Variants in NELL1 observed in about 807,000 individuals in gnomAD.
NELL1 encodes protein kinase C-binding protein NELL1.
Under a neutral mutation model 107.4 loss-of-function variants are expected in NELL1, and 76 were observed. That is an observed-to-expected ratio of 0.71 (90% CI 0.59 to 0.86). The LOEUF (loss-of-function observed/expected upper bound fraction) is 0.86. Among genes scored for constraint, NELL1 ranks in the 40% least tolerant of loss-of-function variants. The pLI, the probability that NELL1 is intolerant of heterozygous loss-of-function variation, is 0.00. For synonymous variants in NELL1, 353 were observed against 341.2 expected (o/e 1.03, Z -0.38); for missense variants, 1,024 against 1,005.5 (o/e 1.02, Z -0.25).
intron 4 of NELL1, among the ~76,000 whole-genome samples, chr11:20,854,742 T>C (rs1289813112): frequency 1.3e-5 from 2 of 152,124 alleles, no homozygotes; most frequent in Non-Finnish European, 2.9e-5. Context: ...TTTCTGGCCA[T>C]GGAGGCCTTG....
chr11:20,751,908 T>C (rs965185208), intron 2 of NELL1, among the ~76,000 whole-genome samples: 2 of 152,224 alleles, frequency 1.3e-5, no homozygotes, highest in African/African-American at 4.8e-5. Context: ...CTTTTATATA[T>C]TGGCCATTCA....
At chr11:21,193,582 GA>G (rs935353480) in intron 13 of NELL1, among the ~76,000 whole-genome samples, 4 of 151,902 alleles carry the variant, frequency 2.6e-5, no homozygotes, top group Admixed American at 6.5e-5. Flanking sequence ...ATTTATAGAG[GA>G]AAAAAATAAT....
At chr11:20,960,853 C>G (rs898666956) in intron 12 of NELL1, among the ~76,000 whole-genome samples, 1 of 152,182 alleles carries the variant, frequency 6.6e-6, no homozygotes, top group African/African-American at 2.4e-5. Flanking sequence ...ACTAGATCAA[C>G]CATAGACACA....
chr11:21,267,207 A>T (rs1210757864), intron 14 of NELL1, among the ~76,000 whole-genome samples: 1 of 152,128 alleles, frequency 6.6e-6, no homozygotes, highest in Non-Finnish European at 1.5e-5. Context: ...TCTCCAAATC[A>T]AAGACAAAGT....
intron 13 of NELL1, among the ~76,000 whole-genome samples, chr11:21,207,323 A>G (rs1055917888): frequency 6.6e-5 from 10 of 152,214 alleles, no homozygotes; most frequent in African/African-American, 1.9e-4. Flanking sequence ...GACATCAAGT[A>G]TGCTTTCTAA....
At chr11:21,081,241 C>T (rs1385425757) in intron 12 of NELL1, among the ~76,000 whole-genome samples, 1 of 152,126 alleles carries the variant, frequency 6.6e-6, no homozygotes, top group African/African-American at 2.4e-5. Flanking sequence ...GAGACACTTT[C>T]TTCTCTTTTC....
chr11:20,978,834 A>C (rs1377692458), intron 12 of NELL1, among the ~76,000 whole-genome samples: 5 of 152,050 alleles, frequency 3.3e-5, no homozygotes, highest in Admixed American at 3.3e-4. Flanking sequence ...GCAAAATCAG[A>C]TTCTCCCACG....
intron 15 of NELL1, among the ~76,000 whole-genome samples, chr11:21,455,706 T>C (rs1853710617): frequency 1.3e-5 from 2 of 152,122 alleles, no homozygotes; most frequent in South Asian, 4.1e-4. Context: ...TAGGGTTTTC[T>C]TTATGGTCTT....
chr11:21,113,988 A>C (rs1855168103), intron 13 of NELL1, among the ~76,000 whole-genome samples: 1 of 151,980 alleles, frequency 6.6e-6, no homozygotes, highest in South Asian at 2.1e-4. Flanking sequence ...AGTAACACTG[A>C]GGGAGTTAGA....
chr11:20,682,576 G>A (rs1473194404), intron 2 of NELL1, among the ~76,000 whole-genome samples: 1 of 151,704 alleles, frequency 6.6e-6, no homozygotes, highest in Non-Finnish European at 1.5e-5. Flanking sequence ...AAATTAAACA[G>A]GTTTATTGAG....
At position 20,957,509 on chromosome 11, in the gene NELL1, T is replaced by A. The variant is rs143563427; in HGVS notation, c.1172-2923T>A. 4.3e-3 allele frequency among the ~76,000 whole-genome samples: 650 copies of A among 152,144 alleles called. 3 individuals carry two copies. Among genetic ancestry groups the A allele is most frequent in the African/African-American group, 0.015 (606 of 41,502 alleles). ...AAATACGAGCTTACAGATAAAAGAA[T>A]AACTCAAAACACAAGAGAATAAGCT... On this transcript the variant is annotated intron_variant, in intron 11 of 19. Transcript: ENST00000357134.
chr11:21,094,001 C>G (rs2133693270), intron 12 of NELL1, among the ~76,000 whole-genome samples: 1 of 152,300 alleles, frequency 6.6e-6, no homozygotes, highest in Admixed American at 6.5e-5. Context: ...TTAGCATTAA[C>G]TCAAAAGTCC....
intron 3 of NELL1, among the ~76,000 whole-genome samples, chr11:20,786,985 G>T (rs887959697): frequency 3.4e-5 from 4 of 117,956 alleles, no homozygotes; most frequent in African/African-American, 1.3e-4. Flanking sequence ...TCCAGCCTAG[G>T]CGAAAGAGCG....
chr11:21,079,319 C>T (rs1031191094), intron 12 of NELL1, among the ~76,000 whole-genome samples: 6 of 151,970 alleles, frequency 3.9e-5, no homozygotes, highest in Admixed American at 6.6e-5. Context: ...GATTTTAATG[C>T]ACCGTTCTCA....
intron 15 of NELL1, among the ~76,000 whole-genome samples, chr11:21,390,486 G>A (rs960403754): frequency 3.4e-5 from 5 of 149,046 alleles, no homozygotes; most frequent in East Asian, 4.0e-4. Context: ...TTTTTCGACC[G>A]CTCATCCACA....
intron 11 of NELL1, among the ~76,000 whole-genome samples, chr11:20,950,512 T>C (rs1851048774): frequency 6.6e-6 from 1 of 152,164 alleles, no homozygotes; most frequent in South Asian, 2.1e-4. Flanking sequence ...CATTTCTGAG[T>C]GGACTCACAG....
chr11:21,542,233 G>T (rs1856309278), intron 16 of NELL1, among the ~76,000 whole-genome samples: 1 of 152,070 alleles, frequency 6.6e-6, no homozygotes, highest in African/African-American at 2.4e-5. Context: ...AAGAGAACTT[G>T]TCCCAAATTC....
intron 3 of NELL1, among the ~76,000 whole-genome samples, chr11:20,795,481 C>T (rs1420507313): frequency 1.3e-5 from 2 of 152,146 alleles, no homozygotes; most frequent in African/African-American, 4.8e-5. Context: ...ATCTTAATGA[C>T]ATTGCAGATT....
chr11:20,908,526 A>G (rs1850054749), intron 5 of NELL1, among the ~76,000 whole-genome samples: 1 of 152,030 alleles, frequency 6.6e-6, no homozygotes, highest in South Asian at 2.1e-4. Context: ...GGGCACAGAG[A>G]GGGGAACATC....
Sources: gnomAD v4.1 joint callset for allele counts (sites outside exome capture counted in the v4.1 genomes callset) on GRCh38, gnomAD v4.1.1 for gene constraint, MANE v1.5 for transcripts, NCBI Gene and HGNC (gene_info 2026-07-23, HGNC 2026-07-21) for gene names.